MTA3: variants seen among roughly 807,000 people sequenced by gnomAD.
The protein encoded by MTA3 is metastasis-associated protein MTA3.
A neutral mutation model predicts 83.5 loss-of-function variants in MTA3; 34 were observed. The ratio of observed to expected loss-of-function variants is 0.41; its 90% confidence interval spans 0.31 to 0.54. The LOEUF (loss-of-function observed/expected upper bound fraction) is 0.54, where lower values mean the gene tolerates loss of function less well. MTA3 is among the 20% of genes least tolerant of loss of function. The pLI is 0.33. For missense variants in MTA3, 761 were observed against 726.4 expected (o/e 1.05, Z -0.55); for synonymous variants, 303 against 252.7 (o/e 1.20, Z -1.89).
chr2:42,722,754 C>G, intron 15 of MTA3, 135 bp from the exon 16 acceptor site: 1 of 1,022,206 alleles, frequency 9.8e-7, no homozygotes, highest in Non-Finnish European at 1.4e-6. Context: ...ACTCATTATG[C>G]AAGTCCTTGG....
At chr2:42,715,471 A>G (rs1406228570) in intron 14 of MTA3, among the ~76,000 whole-genome samples, 1 of 138,636 alleles carries the variant, frequency 7.2e-6, no homozygotes, top group Non-Finnish European at 1.5e-5. Flanking sequence ...GGAGTGCAGT[A>G]GCGTGATCAT....
intron 4 of MTA3, among the ~76,000 whole-genome samples, chr2:42,612,821 A>G (rs1423841179): frequency 6.6e-6 from 1 of 152,160 alleles, no homozygotes; most frequent in Non-Finnish European, 1.5e-5. Flanking sequence ...AGATCGCACT[A>G]CTGTACTCCA....
intron 14 of MTA3, among the ~76,000 whole-genome samples, chr2:42,714,150 G>GAT (rs1319082158): frequency 6.6e-6 from 1 of 152,204 alleles, no homozygotes; most frequent in Non-Finnish European, 1.5e-5. Flanking sequence ...TTTTGAATGA[G>GAT]ATAGAAATCT....
chr2:42,638,705 ATTTT>A (rs11367464), intron 4 of MTA3, among the ~76,000 whole-genome samples: 1 of 145,444 alleles, frequency 6.9e-6, no homozygotes. Flanking sequence ...AGTGATGTTA[ATTTT>A]TTTTTTTTTT....
intron 11 of MTA3, among the ~76,000 whole-genome samples, chr2:42,698,829 C>G (rs1693610461): frequency 6.6e-6 from 1 of 152,132 alleles, no homozygotes. Flanking sequence ...ATTTTAAGAA[C>G]ATGTAATTTT....
chr2:42,549,988 A>G (rs1375547268), intron 2 of MTA3, among the ~76,000 whole-genome samples: 2 of 151,848 alleles, frequency 1.3e-5, no homozygotes, highest in African/African-American at 4.8e-5. Context: ...CTTGTGTTCA[A>G]GGAACACTTA....
chr2:42,689,475 T>C (rs1315891102), intron 9 of MTA3, among the ~76,000 whole-genome samples: 1 of 152,200 alleles, frequency 6.6e-6, no homozygotes, highest in Non-Finnish European at 1.5e-5. Context: ...TGTAGACTTA[T>C]TCCTTACATG....
chr2:42,594,329 CG>C lies in MTA3; in HGVS notation c.191-15126del, dbSNP rs553199418. Among the ~76,000 whole-genome samples the C allele has an allele frequency of 4.4e-4, 65 of 148,108 alleles. No individual in the cohort carries two copies. In the East Asian group the frequency reaches 0.012, roughly 28 times the overall value. ...TGAGCTCATAGCAACCTCTGCCTCC[CG>C]GGCTCAAGCAATTCTTATGCCTCAG... On this transcript the variant is annotated intron_variant, in intron 3 of 16. Coordinates refer to ENST00000405094, the MANE Select transcript of MTA3 (RefSeq NM_001330442.2).
intron 15 of MTA3, among the ~76,000 whole-genome samples, chr2:42,720,284 G>A (rs533958623): frequency 1.1e-3 from 166 of 152,092 alleles, no homozygotes; most frequent in African/African-American, 3.8e-3. Flanking sequence ...CCAGGTTCAC[G>A]CCATTCTCCT....
chr2:42,598,210 C>G (rs1306478544), intron 3 of MTA3, among the ~76,000 whole-genome samples: 1 of 151,956 alleles, frequency 6.6e-6, no homozygotes, highest in East Asian at 1.9e-4. Flanking sequence ...GTAGCTGGGA[C>G]TATTGCCACC....
At chr2:42,683,814 A>G (rs1294377945) in intron 9 of MTA3, among the ~76,000 whole-genome samples, 3 of 152,164 alleles carry the variant, frequency 2.0e-5, no homozygotes, top group Non-Finnish European at 4.4e-5. Flanking sequence ...GTAAATACAG[A>G]TGAAGCTTCG....
intron 16 of MTA3, among the ~76,000 whole-genome samples, chr2:42,728,208 A>G (rs762190485): frequency 2.6e-5 from 4 of 152,036 alleles, no homozygotes; most frequent in Non-Finnish European, 5.9e-5. Flanking sequence ...CTTTCTGTTC[A>G]TGGCTTATTT....
chr2:42,549,879 A>G (rs1677036755), intron 2 of MTA3, among the ~76,000 whole-genome samples: 1 of 151,158 alleles, frequency 6.6e-6, no homozygotes, highest in Admixed American at 6.7e-5. Context: ...CACCTGGCAC[A>G]TGCATCCTCC....
chr2:42,756,311 C>T lies in MTA3; in HGVS notation c.*2912C>T, dbSNP rs1670235488. 1.2e-5 allele frequency: 4 copies of T among 336,014 alleles called. No homozygotes were observed. Among genetic ancestry groups the T allele is most frequent in the Admixed American group, 6.5e-5 (1 of 15,476 alleles). 20.8% of individuals were successfully genotyped at this position (336,014 alleles called of 1,614,324 possible). A position where few individuals can be genotyped will look rare whatever the true frequency, so the allele number is the denominator to read the frequency against. On this transcript the variant is annotated 3_prime_UTR_variant, in exon 17 of 17. Coordinates refer to ENST00000405094, the MANE Select transcript of MTA3 (RefSeq NM_001330442.2). ...CATTTCCCCAGGCAGAGAGAGGGGG[C>T]CCCAGCCTCTCCCCTCCTCTTGGCC... is the stretch of plus-strand genomic sequence containing the variant.
At position 42,753,709 on chromosome 2, in the gene MTA3, C is replaced by A; in HGVS notation, c.*310C>A. On this transcript the variant is annotated 3_prime_UTR_variant, in exon 17 of 17. Coordinates refer to ENST00000405094, the MANE Select transcript of MTA3 (RefSeq NM_001330442.2). ...TCCTCCCTTCTGCAGCGCCCTGCGC[C>A]CCACCCAGCAACAGCGGCCACTTGG... 8.3e-7 allele frequency: 1 copy of A among 1,203,686 alleles called. No homozygotes were observed. Among genetic ancestry groups the A allele is most frequent in the Non-Finnish European group, 1.0e-6 (1 of 960,570 alleles). 74.6% of individuals were successfully genotyped at this position (1,203,686 alleles called of 1,614,324 possible).
At chr2:42,570,582 TG>T in intron 2 of MTA3, 78 bp downstream of exon 2, 1 of 817,716 alleles carries the variant, frequency 1.2e-6, no homozygotes, top group Non-Finnish European at 1.8e-6. Context: ...AAGGGTGGCC[TG>T]GTGTGGGGGC....
chr2:42,499,281 C>T (rs765537687), intron 2 of MTA3, among the ~76,000 whole-genome samples: 7 of 151,650 alleles, frequency 4.6e-5, no homozygotes, highest in Non-Finnish European at 8.8e-5. Context: ...GATTCTCCTG[C>T]CTCAGCCTCC....
At chr2:42,613,492 A>G (rs748868231) in intron 4 of MTA3, among the ~76,000 whole-genome samples, 2 of 152,234 alleles carry the variant, frequency 1.3e-5, no homozygotes, top group African/African-American at 2.4e-5. Context: ...ACAAGTGCAC[A>G]TTGGAGTGGT....
Position 42,609,603 on chromosome 2 carries a change from C to G in MTA3, c.317+19C>G, listed in dbSNP as rs1683931124. On this transcript the variant is annotated intron_variant, in intron 4 of 16. Transcript: ENST00000405094. ...ATATCAGGTAAGAACTTTTTAGGAA[C>G]TAAGGTACTCAGTACTACGGTGACC... 1 of 1,612,188 alleles carries G rather than the reference C, an allele frequency of 6.2e-7. No individual in the cohort carries two copies. Among genetic ancestry groups the G allele is most frequent in the Non-Finnish European group, 8.5e-7 (1 of 1,178,998 alleles).
Sources: gnomAD v4.1 joint callset for allele counts (sites outside exome capture counted in the v4.1 genomes callset) on GRCh38, gnomAD v4.1.1 for gene constraint, MANE v1.5 for transcripts, NCBI Gene and HGNC (gene_info 2026-07-23, HGNC 2026-07-21) for gene names.